Variants in HCAR1 observed in about 807,000 individuals in gnomAD.
The protein encoded by HCAR1 is hydroxycarboxylic acid receptor 1.
For synonymous variants in HCAR1, 183 were observed against 182.1 expected, an observed-to-expected ratio of 1.01 and a Z score of -0.04; for missense variants, 445 against 448.7, an observed-to-expected ratio of 0.99 and a Z score of 0.07.
chr12:122,729,584 G>T lies in HCAR1; in HGVS notation c.756C>A (p.Cys252Ter), dbSNP rs146760413. ...GCAGGGCCCCATGGACAGAGGGATC[G>T]CAGGCACTCGAGGGCACCGTCCAGA... Reference protein sequence around the residue: ...YFLWTVPSSACDPSVHGALHI... With the variant: ...YFLWTVPSSA The change falls in exon 1 of 1, where the codon TGC becomes TGA. Residue 252 changes from cysteine to a stop codon, truncating the protein, a stop_gained. Coordinates refer to ENST00000432564, the MANE Select transcript of HCAR1 (RefSeq NM_032554.4). LOFTEE classifies it low-confidence loss of function (END_TRUNC). 5 of 1,614,102 alleles carry T rather than the reference G, an allele frequency of 3.1e-6. No homozygotes were observed. The East Asian group carries it at 1.1e-4, about 36-fold the overall frequency.
rs774981737 is a variant in HCAR1, at chr12:122,730,092, A to G, written c.248T>C (p.Phe83Ser). Residue 83 changes from phenylalanine to serine, a missense_variant, in exon 1 of 1, where the codon TTT becomes TCT. Coordinates refer to ENST00000432564, the MANE Select transcript of HCAR1 (RefSeq NM_032554.4). ...CCCCACTCGGCAGGGAATGTCCCCA[A>G]AAGCCCAGTGTCTACGTCTGAGGTA... ...DYYLRRRHWAFGDIPCRVGLF... is the reference protein window; with the variant it reads ...DYYLRRRHWASGDIPCRVGLF... 2 of 1,614,156 alleles carry G rather than the reference A, an allele frequency of 1.2e-6. No individual in the cohort carries two copies. The highest frequency in any genetic ancestry group is 2.2e-5 in the East Asian group (1 of 44,884).
chr12:122,730,107 CGTCTGAG>C lies in HCAR1; in HGVS notation c.226_232del (p.Leu76ValfsTer20). On this transcript the variant is annotated frameshift_variant, in exon 1 of 1. Transcript: ENST00000432564. LOFTEE classifies it low-confidence loss of function (END_TRUNC). ...AATGTCCCCAAAAGCCCAGTGTCTA[CGTCTGAG>C]GTAATAGTCTGTCCGAAAAGGCAGG... is the stretch of plus-strand genomic sequence containing the variant. 2.5e-6 allele frequency: 4 copies of C among 1,614,072 alleles called. No homozygotes were observed. The highest frequency in any genetic ancestry group is 3.4e-6 in the Non-Finnish European group (4 of 1,180,008).
In HCAR1 at chr12:122,730,504, G is replaced by C; in HGVS notation, c.-165C>G. 1 of 495,408 alleles carries C rather than the reference G, an allele frequency of 2.0e-6. No homozygotes were observed. Among genetic ancestry groups the C allele is most frequent in the Admixed American group, 3.8e-5 (1 of 26,142 alleles). The allele number at this position is 495,408 out of a possible 1,614,324, so 30.7% of individuals were successfully genotyped here. On this transcript the variant is annotated 5_prime_UTR_variant, in exon 1 of 1. Coordinates refer to ENST00000432564, the MANE Select transcript of HCAR1 (RefSeq NM_032554.4). ...GGGTTGGATGCTGCCACAGCAGCGA[G>C]AAGAGAAACTTCAGCCAGGAAATGA... is the stretch of plus-strand genomic sequence containing the variant.
Position 122,729,410 on chromosome 12 carries a change from C to T in HCAR1, c.930G>A (p.Pro310=), listed in dbSNP as rs149671074. 164 of 1,614,072 alleles carry T rather than the reference C, an allele frequency of 1.0e-4. 1 individual carries two copies. Among genetic ancestry groups the T allele is most frequent in the East Asian group, 5.1e-4 (23 of 44,882 alleles). The change falls in exon 1 of 1, where the codon CCG becomes CCA. Residue 310 remains proline, a synonymous_variant. Coordinates refer to ENST00000432564, the MANE Select transcript of HCAR1 (RefSeq NM_032554.4). ...KQPGHSKTQR[P]EEMPISNLGR... ...CGAGGTTCGAAATTGGCATCTCTTC[C>T]GGCCTTTGTGTTTTTGAGTGTCCTG...
Position 122,729,846 on chromosome 12 carries a change from C to T in HCAR1, c.494G>A (p.Cys165Tyr). 2 of 1,610,730 alleles carry T rather than the reference C, an allele frequency of 1.2e-6. No individual in the cohort carries two copies. Among genetic ancestry groups the T allele is most frequent in the Non-Finnish European group, 1.7e-6 (2 of 1,178,530 alleles). The change falls in exon 1 of 1, where the codon TGT (cysteine) becomes TAT (tyrosine). Residue 165 changes from cysteine to tyrosine, a missense_variant. Cys to Tyr is a radical substitution (Grantham distance 194, BLOSUM62 -2). Coordinates refer to ENST00000432564, the MANE Select transcript of HCAR1 (RefSeq NM_032554.4). ...GGCCGACTCCATGATGAAGCTCTCA[C>T]AGGAGACGGCCGTCTCTTGCACGCA... ...HLCVQETAVS[C>Y]ESFIMESANG...
In HCAR1 at chr12:122,729,168, G is replaced by A. The variant is rs1593748270; in HGVS notation, c.*131C>T. On this transcript the variant is annotated 3_prime_UTR_variant, in exon 1 of 1. Coordinates refer to ENST00000432564, the MANE Select transcript of HCAR1 (RefSeq NM_032554.4). ...ATTTCATTTCCGACAGAATGAGAAG[G>A]ATGCAGTTCATGTGCGAGAAGCCGT... The A allele has an allele frequency of 9.4e-6, 7 of 742,884 alleles. No individual in the cohort carries two copies. The South Asian group carries it at 1.3e-4, about 14-fold the overall frequency. 46.0% of individuals were successfully genotyped at this position (742,884 alleles called of 1,614,324 possible). A position where few individuals can be genotyped will look rare whatever the true frequency, so the allele number is the denominator to read the frequency against.
In HCAR1 at chr12:122,730,183, A is replaced by AAAC; in HGVS notation, c.154_156dup (p.Val52dup). 1 of 1,614,200 alleles carries AAAC rather than the reference A, an allele frequency of 6.2e-7. No homozygotes were observed. The highest frequency in any genetic ancestry group is 8.5e-7 in the Non-Finnish European group (1 of 1,180,038). On this transcript the variant is annotated inframe_insertion, in exon 1 of 1. Transcript: ENST00000432564. ...TCAGCCACGGCCAAATTGAAAAGGT[A>AAAC]AACAGTGCTGGGCTTCCAGGTCTTC...
chr12:122,729,967 T>G lies in HCAR1; in HGVS notation c.373A>C (p.Asn125His). 6.2e-7 allele frequency: 1 copy of G among 1,613,988 alleles called. No homozygotes were observed. The highest frequency in any genetic ancestry group is 2.2e-5 in the East Asian group (1 of 44,888). The change falls in exon 1 of 1, where the codon AAC (asparagine) becomes CAC (histidine). Residue 125 changes from asparagine (N) to histidine (H), a missense_variant. Asn to His is a moderately conservative substitution (Grantham distance 68). Coordinates refer to ENST00000432564, the MANE Select transcript of HCAR1 (RefSeq NM_032554.4). Reference sequence around the variant, plus strand: ...GCCGCCACCCGGGTGGAGATAGTGTTCACCGCGTGGTGGGGGTGGACCACT... The same window carrying G: ...GCCGCCACCCGGGTGGAGATAGTGTGCACCGCGTGGTGGGGGTGGACCACT... The part of the protein sequence containing the change: ...FKVVHPHHAV[N>H]TISTRVAAGI...
At position 122,729,719 on chromosome 12, in the gene HCAR1, C is replaced by T. The variant is rs201727220; in HGVS notation, c.621G>A (p.Gln207=). The T allele has an allele frequency of 5.4e-5, 87 of 1,613,706 alleles. No homozygotes were observed. The highest frequency in any genetic ancestry group is 7.1e-5 in the Non-Finnish European group (84 of 1,180,036). The change falls in exon 1 of 1, where the codon CAG becomes CAA. Residue 207 remains glutamine, a synonymous_variant. Transcript: ENST00000432564. ...TCATCCGAGCCTGTCTGGCCAGCTG[C>T]TGCCTCCGCCTCAGGCTCCAAACAA... ...FKIVWSLRRR[Q]QLARQARMKK...
At position 122,729,037 on chromosome 12, in the gene HCAR1, G is replaced by C. The variant is rs1877861941; in HGVS notation, c.*262C>G. Reference sequence around the variant, plus strand: ...CTAGCCCCCCTCCCAACACACACATGCTCCACTCCATGCACATTCTGTCCC... The same window carrying C: ...CTAGCCCCCCTCCCAACACACACATCCTCCACTCCATGCACATTCTGTCCC... On this transcript the variant is annotated 3_prime_UTR_variant, in exon 1 of 1. Coordinates refer to ENST00000432564, the MANE Select transcript of HCAR1 (RefSeq NM_032554.4). 6 of 514,488 alleles carry C rather than the reference G, an allele frequency of 1.2e-5. No homozygotes were observed. Among genetic ancestry groups the C allele is most frequent in the Non-Finnish European group, 2.1e-5 (6 of 284,650 alleles). 31.9% of individuals were successfully genotyped at this position (514,488 alleles called of 1,614,324 possible). A position where few individuals can be genotyped will look rare whatever the true frequency, so the allele number is the denominator to read the frequency against.
In HCAR1 at chr12:122,729,096, ACT is replaced by A. The variant is rs1593748240; in HGVS notation, c.*201_*202del. ...GTGATCAGATAAGAAAATGCAGCCA[ACT>A]CACTTCAATCAACTGGAACCTCCCC... On this transcript the variant is annotated 3_prime_UTR_variant, in exon 1 of 1. Coordinates refer to ENST00000432564, the MANE Select transcript of HCAR1 (RefSeq NM_032554.4). 1.0e-5 allele frequency: 6 copies of A among 597,604 alleles called. No homozygotes were observed. In the East Asian group the frequency reaches 1.4e-4, roughly 14 times the overall value. The allele number at this position is 597,604 out of a possible 1,614,324, so 37.0% of individuals were successfully genotyped here. A position where few individuals can be genotyped will look rare whatever the true frequency, so the allele number is the denominator to read the frequency against.
rs182581538 is a variant in HCAR1 at position 122,729,857 on chromosome 12, C to T, written c.483G>A (p.Thr161=). 5 of 1,610,876 alleles carry T rather than the reference C, an allele frequency of 3.1e-6. No homozygotes were observed. Among genetic ancestry groups the T allele is most frequent in the Admixed American group, 1.7e-5 (1 of 59,970 alleles). Residue 161 remains threonine, a synonymous_variant, in exon 1 of 1, where the codon ACG becomes ACA. Transcript: ENST00000432564. ...LLENHLCVQE[T]AVSCESFIME... is the part of the protein sequence containing the mutation. Reference sequence around the variant, plus strand: ...TGATGAAGCTCTCACAGGAGACGGCCGTCTCTTGCACGCAGAGATGGTTCT... The same window carrying T: ...TGATGAAGCTCTCACAGGAGACGGCTGTCTCTTGCACGCAGAGATGGTTCT...
rs1877914111 is a variant in HCAR1, at chr12:122,730,291, C to T, written c.49G>A (p.Val17Met). Residue 17 changes from valine to methionine, a missense_variant, in exon 1 of 1, where the codon GTG becomes ATG. Physicochemically the swap from Val to Met is conservative, Grantham distance 21 (BLOSUM62 1). Transcript: ENST00000432564. ...GCCACAATGAGCAGCGGCGGCATCA[C>T]CTGGGAGATGGTGTCCCCCTCGATG... ...CRIEGDTISQ[V>M]MPPLLIVAFV... 1 of 1,601,884 alleles carries T rather than the reference C, an allele frequency of 6.2e-7. No individual in the cohort carries two copies. Among genetic ancestry groups the T allele is most frequent in the Non-Finnish European group, 8.5e-7 (1 of 1,172,220 alleles).
chr12:122,727,567 A>C lies in HCAR1; in HGVS notation c.*1732T>G, dbSNP rs1211340352. On this transcript the variant is annotated 3_prime_UTR_variant, in exon 1 of 1. Coordinates refer to ENST00000432564, the MANE Select transcript of HCAR1 (RefSeq NM_032554.4). ...ACCGCAACCTCCACCTCCTCGGTTC[A>C]AGTGATTCTCCTGCCTCAGCCTCCC... 1 of 151,990 alleles carries C rather than the reference A, an allele frequency of 6.6e-6. No individual in the cohort carries two copies. Among genetic ancestry groups the C allele is most frequent in the Non-Finnish European group, 1.5e-5 (1 of 68,026 alleles). The allele number at this position is 151,990 out of a possible 1,614,324, so 9.4% of individuals were successfully genotyped here.
rs1877786921 is a variant in HCAR1 at position 122,726,127 on chromosome 12, C to CTATTTAGTT, written c.*3171_*3172insAACTAAATA. The CTATTTAGTT allele has an allele frequency of 6.6e-6, 1 of 152,118 alleles. No individual in the cohort carries two copies. Among genetic ancestry groups the CTATTTAGTT allele is most frequent in the Admixed American group, 6.6e-5 (1 of 15,254 alleles). 9.4% of individuals were successfully genotyped at this position (152,118 alleles called of 1,614,324 possible). A position where few individuals can be genotyped will look rare whatever the true frequency, so the allele number is the denominator to read the frequency against. On this transcript the variant is annotated 3_prime_UTR_variant, in exon 1 of 1. Coordinates refer to ENST00000432564, the MANE Select transcript of HCAR1 (RefSeq NM_032554.4). Reference sequence around the variant, plus strand: ...CAATGAAGGAACAAAGGAGCAACAGCCCAGGAGAGAATTCTAAGAATAGAA... The same window carrying CTATTTAGTT: ...CAATGAAGGAACAAAGGAGCAACAGCTATTTAGTTCCAGGAGAGAATTCTAAGAATAGAA...
chr12:122,729,674 G>T lies in HCAR1; in HGVS notation c.666C>A (p.Ile222=). ...TGATGAACACAATTGCCACCACCAT[G>T]ATGAACCGGGTCGCCTTCTTCATCC... ...QARMKKATRF[I]MVVAIVFITC... The change falls in exon 1 of 1, where the codon ATC becomes ATA. Residue 222 remains isoleucine (I), a synonymous_variant. Coordinates refer to ENST00000432564, the MANE Select transcript of HCAR1 (RefSeq NM_032554.4). The T allele has an allele frequency of 1.2e-6, 2 of 1,614,072 alleles. No homozygotes were observed. The highest frequency in any genetic ancestry group is 8.5e-7 in the Non-Finnish European group (1 of 1,180,034).
At position 122,729,357 on chromosome 12, in the gene HCAR1, T is replaced by A. The variant is rs1441774966; in HGVS notation, c.983A>T (p.Asn328Ile). The change falls in exon 1 of 1, where the codon AAT (asparagine) becomes ATT (isoleucine). Residue 328 changes from asparagine to isoleucine, a missense_variant. By Grantham distance (149) the Asn-to-Ile change is moderately radical. Transcript: ENST00000432564. ...LGRRSCISVA[N>I]SFQSQSDGQW... is the part of the protein sequence containing the mutation. ...CCCATCAGACTGGCTTTGGAAACTATTTGCCACACTGATGCAACTCCTGCG... is the reference window on the plus strand; with the variant it reads ...CCCATCAGACTGGCTTTGGAAACTAATTGCCACACTGATGCAACTCCTGCG... 6.2e-7 allele frequency: 1 copy of A among 1,614,042 alleles called. No homozygotes were observed. The highest frequency in any genetic ancestry group is 1.3e-5 in the African/African-American group (1 of 74,924).
chr12:122,729,713 C>T lies in HCAR1; in HGVS notation c.627G>A (p.Leu209=), dbSNP rs201462968. 1 of 1,613,926 alleles carries T rather than the reference C, an allele frequency of 6.2e-7. No individual in the cohort carries two copies. The highest frequency in any genetic ancestry group is 2.2e-5 in the East Asian group (1 of 44,874). Residue 209 remains leucine (L), a synonymous_variant, in exon 1 of 1, where the codon CTG becomes CTA. Transcript: ENST00000432564. ...CCTTCTTCATCCGAGCCTGTCTGGC[C>T]AGCTGCTGCCTCCGCCTCAGGCTCC... The part of the protein sequence containing the change: ...IVWSLRRRQQ[L]ARQARMKKAT...
rs1185845098 is a variant in HCAR1, at chr12:122,730,542, G to A, written c.-203C>T. 8.8e-6 allele frequency: 4 copies of A among 453,924 alleles called. No individual in the cohort carries two copies. The highest frequency in any genetic ancestry group is 1.6e-5 in the Non-Finnish European group (4 of 250,598). The allele number at this position is 453,924 out of a possible 1,614,324, so 28.1% of individuals were successfully genotyped here. ...AGCCAGGAAATGAGAGACCCAGGGA[G>A]GTCCTTTCTCTGGAGCCCGTCTCAC... On this transcript the variant is annotated 5_prime_UTR_variant, in exon 1 of 1. Coordinates refer to ENST00000432564, the MANE Select transcript of HCAR1 (RefSeq NM_032554.4).
Sources: allele counts gnomAD v4.1 joint callset, GRCh38; gene constraint gnomAD v4.1.1; transcripts MANE v1.5; gene names NCBI Gene and HGNC (gene_info 2026-07-23, HGNC 2026-07-21).